DPF3: variants seen among roughly 807,000 people sequenced by gnomAD.
The protein encoded by DPF3 is zinc finger protein DPF3.
Under a neutral mutation model 56.8 loss-of-function variants are expected in DPF3, and 18 were observed. The ratio of observed to expected loss-of-function variants is 0.32; its 90% CI spans 0.22 to 0.47. The LOEUF is 0.47. DPF3 is among the 20% of genes least tolerant of loss of function. The pLI is 1.00. For synonymous variants in DPF3, 188 were observed against 180.2 expected, an observed-to-expected ratio of 1.04 and a Z score of -0.35; for missense variants, 403 against 488.8, an observed-to-expected ratio of 0.82 and a Z score of 1.65.
chr14:72,770,634 C>T (rs1599426368), intron 2 of DPF3, among the ~76,000 whole-genome samples: 1 of 152,078 alleles, frequency 6.6e-6, no homozygotes, highest in Non-Finnish European at 1.5e-5. Flanking sequence ...GTAAGGAGTG[C>T]GTATAGATGA....
rs547559656 is a variant in DPF3 at position 72,613,044 on chromosome 14, G to A, written c.*6253C>T. Among the ~76,000 whole-genome samples the A allele has an allele frequency of 1.2e-3, 185 of 151,866 alleles. No individual in the cohort carries two copies. Among genetic ancestry groups the A allele is most frequent in the Non-Finnish European group, 1.5e-3 (102 of 67,932 alleles). On this transcript the variant is annotated 3_prime_UTR_variant, in exon 11 of 11. Coordinates refer to ENST00000556509, the MANE Select transcript of DPF3 (RefSeq NM_001280542.3). ...TGTGTGTGTGTGTATGTGCGTGCGT[G>A]CACGCACGCGCATGCACATGGGCAT...
intron 1 of DPF3, among the ~76,000 whole-genome samples, chr14:72,887,507 A>C (rs1258647913): frequency 6.6e-6 from 1 of 152,236 alleles, no homozygotes; most frequent in Non-Finnish European, 1.5e-5. Flanking sequence ...AAACTGTGGA[A>C]GTCTCCAGTC....
intron 3 of DPF3, among the ~76,000 whole-genome samples, chr14:72,750,790 T>TAA (rs1204819026): frequency 1.5e-3 from 6 of 4,044 alleles, no homozygotes; most frequent in Middle Eastern, 0.1. Flanking sequence ...TGAAAGAATC[T>TAA]CAAAAAAAAA....
intron 8 of DPF3, among the ~76,000 whole-genome samples, chr14:72,642,860 C>A (rs182772330): frequency 6.6e-6 from 1 of 152,334 alleles, no homozygotes; most frequent in East Asian, 1.9e-4. Context: ...AGAGGAAGAA[C>A]CTGCAGCTAG....
In DPF3 at chr14:72,731,865, C is replaced by G. The variant is rs1228273981; in HGVS notation, c.371G>C (p.Gly124Ala). ...ESTTLEALLR[G>A]EGVEKKVDAR... ...ATCCACCTTCTTCTCAACCCCCTCG[C>G]CACGGAGCAAGGCTTCCAGCGTGGT... Residue 124 changes from glycine to alanine, a missense_variant, in exon 4 of 11, where the codon GGC (glycine) becomes GCC (alanine). This residue lies in a region of DPF3 where 340 missense variants were observed against 374.3 expected (regional missense o/e 0.91). Coordinates refer to ENST00000556509, the MANE Select transcript of DPF3 (RefSeq NM_001280542.3). 1 of 1,612,340 alleles carries G rather than the reference C, an allele frequency of 6.2e-7. No homozygotes were observed. The highest frequency in any genetic ancestry group is 1.7e-5 in the Admixed American group (1 of 59,822).
At chr14:72,619,397 G>A in intron 10 of DPF3, 30 bp from the exon 11 acceptor site, 1 of 1,535,414 alleles carries the variant, frequency 6.5e-7, no homozygotes, top group South Asian at 1.2e-5. Context: ...TTTAGTAGCA[G>A]CCCCTCTGCT....
intron 4 of DPF3, among the ~76,000 whole-genome samples, chr14:72,724,484 A>G (rs1889311870): frequency 6.6e-6 from 1 of 151,924 alleles, no homozygotes; most frequent in Non-Finnish European, 1.5e-5. Flanking sequence ...ATTTCTCAGC[A>G]CAGTGGCTGA....
At chr14:72,838,523 G>A (rs769854014) in intron 1 of DPF3, among the ~76,000 whole-genome samples, 9 of 152,002 alleles carry the variant, frequency 5.9e-5, no homozygotes, top group Middle Eastern at 3.4e-3. Context: ...GAAGACAGCA[G>A]TCCATTCACA....
At chr14:72,721,434 C>A (rs939491518) in intron 5 of DPF3, among the ~76,000 whole-genome samples, 1 of 152,132 alleles carries the variant, frequency 6.6e-6, no homozygotes. Context: ...TGGGAGTTCA[C>A]CAAAGGCCCA....
intron 8 of DPF3, chr14:72,662,983 G>A: frequency 1.9e-6 from 1 of 515,942 alleles, no homozygotes; most frequent in Non-Finnish European, 2.5e-6. Context: ...CCAACTAATT[G>A]CCAAGTTAAT....
At chr14:72,792,088 C>T (rs889291544) in intron 1 of DPF3, among the ~76,000 whole-genome samples, 9 of 152,146 alleles carry the variant, frequency 5.9e-5, no homozygotes, top group Non-Finnish European at 1.3e-4. Flanking sequence ...ACATGCCCCC[C>T]ACCCCCGCCC....
chr14:72,843,633 C>T (rs1263714839), intron 1 of DPF3, among the ~76,000 whole-genome samples: 1 of 152,260 alleles, frequency 6.6e-6, no homozygotes, highest in Non-Finnish European at 1.5e-5. Flanking sequence ...ACCTCCACCT[C>T]CCGAGTTCAA....
At chr14:72,818,861 A>T (rs949570248) in intron 1 of DPF3, among the ~76,000 whole-genome samples, 4 of 152,188 alleles carry the variant, frequency 2.6e-5, no homozygotes, top group Non-Finnish European at 5.9e-5. Context: ...CAAGCCACAG[A>T]TTGGGAGAAA....
chr14:72,754,883 C>A (rs1183744381), intron 2 of DPF3, among the ~76,000 whole-genome samples: 1 of 152,208 alleles, frequency 6.6e-6, no homozygotes, highest in Non-Finnish European at 1.5e-5. Context: ...CCACAGGTCA[C>A]AAGATTGTGA....
At chr14:72,787,858 G>A (rs1342851384) in intron 1 of DPF3, among the ~76,000 whole-genome samples, 1 of 152,202 alleles carries the variant, frequency 6.6e-6, no homozygotes, top group Non-Finnish European at 1.5e-5. Flanking sequence ...CAAGAGAGGA[G>A]AGGCTGCCTC....
chr14:72,830,804 AC>A (rs1319738728), intron 1 of DPF3, among the ~76,000 whole-genome samples: 1 of 152,104 alleles, frequency 6.6e-6, no homozygotes, highest in Non-Finnish European at 1.5e-5. Flanking sequence ...GGACAAATGA[AC>A]CCCTTGTCAC....
At chr14:72,864,938 G>A (rs72732434) in intron 1 of DPF3, among the ~76,000 whole-genome samples, 11,035 of 152,266 alleles carry the variant, frequency 0.072, 589 homozygotes, top group South Asian at 0.16. Flanking sequence ...AATATGACTC[G>A]GGACCAAGTG....
At chr14:72,881,294 CTGTTGTTGTTGT>C (rs10545910) in intron 1 of DPF3, among the ~76,000 whole-genome samples, 32,629 of 151,076 alleles carry the variant, frequency 0.22, 4,686 homozygotes, top group Non-Finnish European at 0.31. Flanking sequence ...AAATTCAGAG[CTGTTGTTGTTGT>C]TGTTGTTGTT....
intron 1 of DPF3, among the ~76,000 whole-genome samples, chr14:72,814,186 G>A (rs957512222): frequency 2.6e-5 from 4 of 152,126 alleles, no homozygotes; most frequent in Non-Finnish European, 5.9e-5. Flanking sequence ...AGGCAATGGT[G>A]CAGCCCTCCT....
Sources: allele counts gnomAD v4.1 joint callset (sites outside exome capture counted in the v4.1 genomes callset), GRCh38; gene constraint gnomAD v4.1.1; regional missense constraint gnomAD v4.1.1; transcripts MANE v1.5; gene names NCBI Gene and HGNC (gene_info 2026-07-23, HGNC 2026-07-21).